Variants in ARHGEF3 observed in about 807,000 individuals in gnomAD.
The protein encoded by ARHGEF3 is Rho guanine nucleotide exchange factor 3.
Under a neutral mutation model 63.2 loss-of-function variants are expected in ARHGEF3, and 28 were observed. That is an observed-to-expected ratio of 0.44 (90% confidence interval 0.33 to 0.61). The LOEUF is 0.61. Among genes scored for constraint, ARHGEF3 ranks in the 20% least tolerant of loss-of-function variants. ARHGEF3 has a pLI of 0.03. For missense variants in ARHGEF3, 533 were observed against 659.3 expected, an observed-to-expected ratio of 0.81 and a Z score of 2.10; for synonymous variants, 266 against 254.2, an observed-to-expected ratio of 1.05 and a Z score of -0.44.
At chr3:56,862,819 T>G (rs1486677520) in intron 4 of ARHGEF3, among the ~76,000 whole-genome samples, 2 of 152,154 alleles carry the variant, frequency 1.3e-5, no homozygotes, top group Admixed American at 1.3e-4. Flanking sequence ...TGCACCCCCT[T>G]AGCAAACCTC....
chr3:56,772,895 T>C (rs2036083431), intron 2 of ARHGEF3, among the ~76,000 whole-genome samples: 1 of 152,090 alleles, frequency 6.6e-6, no homozygotes, highest in Non-Finnish European at 1.5e-5. Context: ...GGATGAAGTA[T>C]GGAAAAAACA....
At chr3:56,871,161 G>A (rs1404482570) in intron 4 of ARHGEF3, among the ~76,000 whole-genome samples, 1 of 151,968 alleles carries the variant, frequency 6.6e-6, no homozygotes, top group Non-Finnish European at 1.5e-5. Context: ...TAAATGATGA[G>A]AATGTATACA....
At chr3:56,773,664 A>G (rs764574378) in intron 2 of ARHGEF3, 45 bp downstream of exon 2, 3 of 1,483,972 alleles carry the variant, frequency 2.0e-6, no homozygotes, top group Non-Finnish European at 2.7e-6. Flanking sequence ...TCCTTCCCGT[A>G]CACCATGATT....
chr3:56,921,528 C>A (rs1361558731), intron 3 of ARHGEF3, among the ~76,000 whole-genome samples: 2 of 152,168 alleles, frequency 1.3e-5, no homozygotes, highest in Admixed American at 1.3e-4. Flanking sequence ...GAGTTGCTCA[C>A]AGTCATGCAC....
rs189708596 is a variant in ARHGEF3 at position 57,059,952 on chromosome 3, C to T, written c.-28+19274G>A. Among the ~76,000 whole-genome samples, 24 of 152,046 alleles carry T rather than the reference C, an allele frequency of 1.6e-4. No homozygotes were observed. In the East Asian group the frequency reaches 3.1e-3, roughly 20 times the overall value. On this transcript the variant is annotated intron_variant, in intron 1 of 12. Transcript: ENST00000338458. ...CAGAGGTTGCAGTCAGCGGAGATCA[C>T]GCCATTGCACTCCAGCCTGGGCAAC...
chr3:57,013,985 C>T (rs529342008), intron 2 of ARHGEF3, among the ~76,000 whole-genome samples: 35 of 152,306 alleles, frequency 2.3e-4, no homozygotes, highest in South Asian at 2.1e-4. Context: ...TGCAATAAAT[C>T]TTGCTGCTGC....
At chr3:56,962,461 G>A (rs1283689953) in intron 2 of ARHGEF3, among the ~76,000 whole-genome samples, 1 of 152,206 alleles carries the variant, frequency 6.6e-6, no homozygotes, top group African/African-American at 2.4e-5. Context: ...GGCTCCTCAT[G>A]TGAGCAGGCT....
chr3:56,930,328 C>T (rs971296572), intron 3 of ARHGEF3, among the ~76,000 whole-genome samples: 5 of 152,112 alleles, frequency 3.3e-5, no homozygotes, highest in African/African-American at 1.2e-4. Context: ...TTTAAACAAA[C>T]ACAACTAACA....
At chr3:56,907,276 TG>T (rs1475266858) in intron 3 of ARHGEF3, among the ~76,000 whole-genome samples, 2 of 152,206 alleles carry the variant, frequency 1.3e-5, no homozygotes, top group Non-Finnish European at 2.9e-5. Context: ...CCACGGCGCC[TG>T]GCCAACATTC....
chr3:56,811,410 C>T (rs2038059626), intron 4 of ARHGEF3, among the ~76,000 whole-genome samples: 1 of 152,104 alleles, frequency 6.6e-6, no homozygotes, highest in South Asian at 2.1e-4. Context: ...GGGCAGAAGA[C>T]TTTAATTACA....
chr3:56,801,961 C>T, upstream of ARHGEF3: 5 of 1,528,464 alleles, frequency 3.3e-6, no homozygotes, highest in Non-Finnish European at 4.4e-6. Context: ...GGCTCCGGAG[C>T]CGAGTGGGCG....
intron 2 of ARHGEF3, among the ~76,000 whole-genome samples, chr3:56,976,114 T>C (rs1701116306): frequency 6.6e-6 from 1 of 152,206 alleles, no homozygotes. Context: ...CAATCTTGGC[T>C]CACTGCAACC....
intron 7 of ARHGEF3, among the ~76,000 whole-genome samples, chr3:56,741,811 G>C (rs556245335): frequency 6.6e-6 from 1 of 152,160 alleles, no homozygotes; most frequent in African/African-American, 2.4e-5. Context: ...CTTTGCATTG[G>C]TTCTTGAGAG....
At chr3:56,916,517 G>A in intron 3 of ARHGEF3, 1 of 1,365,762 alleles carries the variant, frequency 7.3e-7, no homozygotes, top group Non-Finnish European at 9.5e-7. Context: ...CAGAGGCTGA[G>A]AGCCGCACCA....
At chr3:56,877,376 C>CTTTTTTT (rs755860299) in intron 4 of ARHGEF3, among the ~76,000 whole-genome samples, 1 of 136,964 alleles carries the variant, frequency 7.3e-6, no homozygotes. Flanking sequence ...TACTATAATC[C>CTTTTTTT]TTTTTTTTTT....
At chr3:56,876,678 A>G (rs912790478) in intron 4 of ARHGEF3, among the ~76,000 whole-genome samples, 7 of 139,418 alleles carry the variant, frequency 5.0e-5, no homozygotes, top group Non-Finnish European at 1.1e-4. Context: ...CAAATCAGCA[A>G]AACAAAAAAA....
Position 56,825,206 on chromosome 3 carries a change from C to T in ARHGEF3, c.193-51390G>A, listed in dbSNP as rs528669727. Among the ~76,000 whole-genome samples, 28 of 152,338 alleles carry T rather than the reference C, an allele frequency of 1.8e-4. No homozygotes were observed. In the South Asian group the frequency reaches 5.0e-3, roughly 27 times the overall value. On this transcript the variant is annotated intron_variant, in intron 4 of 12. Coordinates refer to the ARHGEF3 transcript ENST00000338458. ...TGCAGTGAAGGCACAGGGCACAGTG[C>T]CAGGCATGGTAAACGTCAGCTAATA...
intron 1 of ARHGEF3, among the ~76,000 whole-genome samples, chr3:56,781,408 G>A (rs1449646297): frequency 2.0e-5 from 3 of 149,920 alleles, no homozygotes; most frequent in Non-Finnish European, 4.5e-5. Context: ...CACCATACCC[G>A]GCTAATTTTT....
chr3:57,017,032 T>TCTCA (rs1221332567), intron 2 of ARHGEF3, among the ~76,000 whole-genome samples: 1,242 of 104,346 alleles, frequency 0.012, 15 homozygotes, highest in African/African-American at 0.028. Flanking sequence ...TCTCTCTCTC[T>TCTCA]CACACACACA....
Sources: allele counts gnomAD v4.1 joint callset (sites outside exome capture counted in the v4.1 genomes callset), GRCh38; gene constraint gnomAD v4.1.1; transcripts MANE v1.5; gene names NCBI Gene and HGNC (gene_info 2026-07-23, HGNC 2026-07-21).